Variants in MVP observed in about 807,000 individuals in gnomAD.
MVP encodes lung resistance-related protein.
MVP carries 62 observed loss-of-function variants against 83.5 expected under a neutral mutation model. The ratio of observed to expected loss-of-function variants is 0.74; its 90% CI spans 0.61 to 0.92. The LOEUF is 0.92. MVP is among the 40% of genes least tolerant of loss of function. The pLI, the probability that MVP is intolerant of heterozygous loss-of-function variation, is 0.00. For synonymous variants in MVP, 505 were observed against 504.1 expected (o/e 1.00, Z -0.02); for missense variants, 1,000 against 1,203.4 (o/e 0.83, Z 2.50).
At chr16:29,826,621 CAAAAA>C (rs35848068) in intron 1 of MVP, among the ~76,000 whole-genome samples, 12 of 87,962 alleles carry the variant, frequency 1.4e-4, no homozygotes, top group African/African-American at 5.5e-4. Flanking sequence ...GACCTTATCT[CAAAAA>C]AAAAAAAAAA....
At chr16:29,838,332 A>T (rs2067505322) in intron 7 of MVP, among the ~76,000 whole-genome samples, 1 of 151,896 alleles carries the variant, frequency 6.6e-6, no homozygotes, top group Non-Finnish European at 1.5e-5. Context: ...GCTTCTCTGG[A>T]GGCTGAGGCA....
intron 1 of MVP, among the ~76,000 whole-genome samples, chr16:29,829,454 CA>C (rs34314929): frequency 0.063 from 3,321 of 52,590 alleles, 54 homozygotes; most frequent in African/African-American, 0.18. Flanking sequence ...GACTCCGTCT[CA>C]AAAAAAAAAA....
At position 29,830,895 on chromosome 16, in the gene MVP, T is replaced by C. The variant is rs143032055; in HGVS notation, c.143T>C (p.Met48Thr). 3.7e-6 allele frequency: 6 copies of C among 1,612,878 alleles called. No homozygotes were observed. The highest frequency in any genetic ancestry group is 5.1e-6 in the Non-Finnish European group (6 of 1,179,072). Residue 48 changes from methionine to threonine, a missense_variant, in exon 3 of 15, where the codon ATG becomes ACG. Met to Thr is a moderately conservative substitution (Grantham distance 81). Transcript: ENST00000357402. ...TCCTGCAGGGTACTGTTTGCCCCCATGCGCATGGTGACCGTCCCCCCACGT... is the reference window on the plus strand; with the variant it reads ...TCCTGCAGGGTACTGTTTGCCCCCACGCGCATGGTGACCGTCCCCCCACGT... ...QDNERVLFAP[M>T]RMVTVPPRHY... is the part of the protein sequence containing the mutation.
intron 1 of MVP, 66 bp from the exon 2 acceptor site, chr16:29,830,449 C>T: frequency 7.1e-7 from 1 of 1,414,016 alleles, no homozygotes; most frequent in Non-Finnish European, 9.8e-7. Flanking sequence ...AGTCTGTCAC[C>T]AGATTCATGC....
At chr16:29,822,047 G>A (rs1436995623) in intron 1 of MVP, among the ~76,000 whole-genome samples, 2 of 152,050 alleles carry the variant, frequency 1.3e-5, no homozygotes, top group Non-Finnish European at 2.9e-5. Flanking sequence ...GCAACATAGC[G>A]AGACCCTGTC....
At chr16:29,822,918 A>T (rs1161248290) in intron 1 of MVP, among the ~76,000 whole-genome samples, 1 of 151,936 alleles carries the variant, frequency 6.6e-6, no homozygotes, top group Middle Eastern at 3.2e-3. Context: ...AAGTTTCACC[A>T]TGTTGGCCAG....
intron 7 of MVP, among the ~76,000 whole-genome samples, chr16:29,839,401 CT>C: frequency 6.6e-6 from 1 of 152,206 alleles, no homozygotes; most frequent in East Asian, 1.9e-4. Context: ...GGTTGGACAA[CT>C]TTGAGTATAC....
chr16:29,837,602 A>T (rs1187547143), intron 7 of MVP, among the ~76,000 whole-genome samples: 1 of 152,072 alleles, frequency 6.6e-6, no homozygotes, highest in African/African-American at 2.4e-5. Context: ...AAAAATACAA[A>T]AATTAGCCAG....
chr16:29,828,863 T>A (rs1452932968), intron 1 of MVP, among the ~76,000 whole-genome samples: 1 of 152,156 alleles, frequency 6.6e-6, no homozygotes, highest in Non-Finnish European at 1.5e-5. Flanking sequence ...ATTGGGATTT[T>A]GTGAAGACTC....
intron 1 of MVP, 180 bp from the exon 2 acceptor site, chr16:29,830,335 T>C (rs1368494939): frequency 1.4e-5 from 7 of 509,998 alleles, no homozygotes; most frequent in Non-Finnish European, 2.1e-5. Context: ...GGATGGGCTG[T>C]GTCGTCTTGG....
chr16:29,827,462 T>C (rs1052577593), intron 1 of MVP, among the ~76,000 whole-genome samples: 1 of 152,114 alleles, frequency 6.6e-6, no homozygotes, highest in Non-Finnish European at 1.5e-5. Flanking sequence ...CCATGATGCC[T>C]CTCTAGAAAG....
chr16:29,831,473 A>AAAAC (rs2150752983), intron 3 of MVP, among the ~76,000 whole-genome samples: 1 of 151,972 alleles, frequency 6.6e-6, no homozygotes, highest in South Asian at 2.1e-4. Flanking sequence ...TTCTAAAGGG[A>AAAAC]AAACAAACCA....
intron 13 of MVP, 44 bp downstream of exon 13, chr16:29,846,328 G>A (rs1339458320): frequency 6.5e-7 from 1 of 1,528,146 alleles, no homozygotes; most frequent in Admixed American, 2.0e-5. Flanking sequence ...CTTGAGTCCT[G>A]GAAAAGGCCC....
intron 7 of MVP, among the ~76,000 whole-genome samples, chr16:29,839,359 C>T (rs759002855): frequency 1.4e-4 from 22 of 151,908 alleles, no homozygotes; most frequent in African/African-American, 2.9e-4. Flanking sequence ...AGGGTGATGA[C>T]GAAAATACTC....
downstream of MVP, chr16:29,848,032 C>T: frequency 6.3e-7 from 1 of 1,580,158 alleles, no homozygotes; most frequent in Non-Finnish European, 8.6e-7. Context: ...TTTACAATTT[C>T]AACACTTTTC....
In MVP at chr16:29,841,529, G is replaced by A; in HGVS notation, c.1192-67G>A. 1 of 1,513,538 alleles carries A rather than the reference G, an allele frequency of 6.6e-7. No individual in the cohort carries two copies. Among genetic ancestry groups the A allele is most frequent in the Non-Finnish European group, 8.8e-7 (1 of 1,132,240 alleles). The allele number at this position is 1,513,538 out of a possible 1,614,324, so 93.8% of individuals were successfully genotyped here. On this transcript the variant is annotated intron_variant, in intron 8 of 14. Transcript: ENST00000357402. The surrounding 1 kb of genome is among the most constrained non-coding windows in gnomAD (Gnocchi z 4.7). ...CTTCCCTGGATGGGCTCTGCTTTGG[G>A]ACAGCTGGGCGGATCTTCCTCCCTT...
At position 29,836,997 on chromosome 16, in the gene MVP, G is replaced by C. The variant is rs766312697; in HGVS notation, c.909+39G>C. 9 of 1,561,228 alleles carry C rather than the reference G, an allele frequency of 5.8e-6. No individual in the cohort carries two copies. The East Asian group carries it at 2.0e-4, about 35-fold the overall frequency. On this transcript the variant is annotated intron_variant, in intron 7 of 14. Coordinates refer to ENST00000357402, the MANE Select transcript of MVP (RefSeq NM_005115.5). ...ACCCCCACAGAGGACTGCCCTGGGAGATGTATGTCCTCTAGTGGCATGAGG... is the reference window on the plus strand; with the variant it reads ...ACCCCCACAGAGGACTGCCCTGGGACATGTATGTCCTCTAGTGGCATGAGG...
intron 10 of MVP, 129 bp from the exon 11 acceptor site, chr16:29,844,364 T>C: frequency 1.6e-6 from 2 of 1,262,592 alleles, no homozygotes; most frequent in Non-Finnish European, 2.1e-6. Flanking sequence ...TTTGGGAGGC[T>C]GAGGTTGGGG....
Position 29,847,827 on chromosome 16 carries a change from C to T in MVP, c.2520C>T (p.Asn840=), listed in dbSNP as rs565915109. Residue 840 remains asparagine, a synonymous_variant, in exon 15 of 15, where the codon AAC becomes AAT. Coordinates refer to ENST00000357402, the MANE Select transcript of MVP (RefSeq NM_005115.5). ...TLITDGSTPI[N]LFNTAFGLLG... ...TCACCGATGGCTCCACTCCCATCAACCTCTTCAACACAGCCTTTGGGCTGC... is the reference window on the plus strand; with the variant it reads ...TCACCGATGGCTCCACTCCCATCAATCTCTTCAACACAGCCTTTGGGCTGC... 6.2e-7 allele frequency: 1 copy of T among 1,614,230 alleles called. No homozygotes were observed. The highest frequency in any genetic ancestry group is 8.5e-7 in the Non-Finnish European group (1 of 1,180,042).
Sources: allele counts gnomAD v4.1 joint callset (sites outside exome capture counted in the v4.1 genomes callset), GRCh38; gene constraint gnomAD v4.1.1; non-coding constraint Gnocchi (gnomAD v3.1); transcripts MANE v1.5; gene names NCBI Gene and HGNC (gene_info 2026-07-23, HGNC 2026-07-21).